TCF20: variants seen among roughly 807,000 people sequenced by gnomAD.
TCF20 encodes transcription factor 20.
A neutral mutation model predicts 148.6 loss-of-function variants in TCF20; 3 were observed. The observed-to-expected ratio is 0.02, with a 90% CI of 0.01 to 0.05. TCF20 has a LOEUF of 0.05. Among genes scored for constraint, TCF20 ranks in the 10% least tolerant of loss-of-function variants. The pLI is 1.00. For missense variants in TCF20, 2,350 were observed against 2,429.3 expected (o/e 0.97, Z 0.69); for synonymous variants, 1,049 against 909.5 (o/e 1.15, Z -2.76).
At chr22:42,323,874 G>A (rs1242471273) in intron 1 of TCF20, among the ~76,000 whole-genome samples, 5 of 134,322 alleles carry the variant, frequency 3.7e-5, no homozygotes, top group African/African-American at 1.3e-4. Context: ...TGGTGGTGGT[G>A]GTGGTGGTGA....
chr22:42,160,775 T>C lies in TCF20; in HGVS notation c.*628A>G, dbSNP rs1197458409. ...CCCCCTCCCCCAAAACCTTCCCACT[T>C]TGAGACAAATTAATGACAAAAGGAT... On this transcript the variant is annotated 3_prime_UTR_variant, in exon 6 of 6. Coordinates refer to ENST00000677622, the MANE Select transcript of TCF20 (RefSeq NM_001378418.1). 6.6e-6 allele frequency: 1 copy of C among 151,880 alleles called. No individual in the cohort carries two copies. Among genetic ancestry groups the C allele is most frequent in the Non-Finnish European group, 1.5e-5 (1 of 67,944 alleles). 9.4% of individuals were successfully genotyped at this position (151,880 alleles called of 1,614,324 possible).
chr22:42,295,864 C>A (rs933351017), intron 1 of TCF20, among the ~76,000 whole-genome samples: 1 of 152,166 alleles, frequency 6.6e-6, no homozygotes, highest in African/African-American at 2.4e-5. Flanking sequence ...AGCCTTCAGC[C>A]CCAACCCATA....
At position 42,209,500 on chromosome 22, in the gene TCF20, C is replaced by T. The variant is rs1457237190; in HGVS notation, c.5655+151G>A. 6 of 909,320 alleles carry T rather than the reference C, an allele frequency of 6.6e-6. No individual in the cohort carries two copies. The East Asian group carries it at 1.0e-4, about 15-fold the overall frequency. 56.3% of individuals were successfully genotyped at this position (909,320 alleles called of 1,614,324 possible). A position where few individuals can be genotyped will look rare whatever the true frequency, so the allele number is the denominator to read the frequency against. On this transcript the variant is annotated intron_variant, in intron 2 of 5. Coordinates refer to ENST00000677622, the MANE Select transcript of TCF20 (RefSeq NM_001378418.1). Reference sequence around the variant, plus strand: ...ATTTTAGAAGTCTATACAAATCTTCCAAATTACCTATTTCATTTTCTGTCC... The same window carrying T: ...ATTTTAGAAGTCTATACAAATCTTCTAAATTACCTATTTCATTTTCTGTCC...
At chr22:42,176,972 T>C (rs1018287707) in intron 3 of TCF20, among the ~76,000 whole-genome samples, 1 of 152,226 alleles carries the variant, frequency 6.6e-6, no homozygotes, top group Non-Finnish European at 1.5e-5. Flanking sequence ...TTATATTGTA[T>C]AGTTTCAAAT....
At chr22:42,174,990 G>C (rs1000569919) in intron 3 of TCF20, among the ~76,000 whole-genome samples, 26 of 151,100 alleles carry the variant, frequency 1.7e-4, no homozygotes, top group African/African-American at 4.6e-4. Flanking sequence ...AGCCGAGATC[G>C]CGCCACTGCA....
chr22:42,302,579 C>T (rs1434845050), intron 1 of TCF20, among the ~76,000 whole-genome samples: 5 of 152,186 alleles, frequency 3.3e-5, no homozygotes, highest in African/African-American at 1.2e-4. Context: ...AGACAGAGAC[C>T]GGCCTCTTTC....
At chr22:42,169,938 T>TGGACATA (rs1936019860) in intron 3 of TCF20, 42 bp from the exon 4 acceptor site, 8 of 1,603,190 alleles carry the variant, frequency 5.0e-6, no homozygotes, top group African/African-American at 1.3e-5. Flanking sequence ...ACTTCACAGC[T>TGGACATA]GGACATAGGT....
chr22:42,234,544 G>A (rs917848073), intron 1 of TCF20, among the ~76,000 whole-genome samples: 1 of 152,110 alleles, frequency 6.6e-6, no homozygotes, highest in Non-Finnish European at 1.5e-5. Context: ...CACTTCCACG[G>A]TTGCCTCAAA....
chr22:42,266,097 A>G (rs888606096), intron 1 of TCF20, among the ~76,000 whole-genome samples: 17 of 147,644 alleles, frequency 1.2e-4, no homozygotes, highest in Admixed American at 6.1e-4. Flanking sequence ...AAAAAAAAAA[A>G]GAGGGGCACA....
At chr22:42,309,140 T>G (rs1337770429) in intron 1 of TCF20, among the ~76,000 whole-genome samples, 1 of 152,008 alleles carries the variant, frequency 6.6e-6, no homozygotes, top group Non-Finnish European at 1.5e-5. Flanking sequence ...ATGCCCACTC[T>G]GCAAATGAGG....
At chr22:42,302,152 A>AGG (rs1408266426) in intron 1 of TCF20, among the ~76,000 whole-genome samples, 1 of 152,204 alleles carries the variant, frequency 6.6e-6, no homozygotes, top group Non-Finnish European at 1.5e-5. Flanking sequence ...CTCACTGGGC[A>AGG]GGTGCCTTGA....
At chr22:42,174,766 T>A (rs1363529467) in intron 3 of TCF20, among the ~76,000 whole-genome samples, 1 of 151,620 alleles carries the variant, frequency 6.6e-6, no homozygotes, top group Admixed American at 6.6e-5. Flanking sequence ...CCAGGCGCGG[T>A]GGCTCACGCC....
At chr22:42,240,171 A>G (rs945521384) in intron 1 of TCF20, among the ~76,000 whole-genome samples, 2 of 152,236 alleles carry the variant, frequency 1.3e-5, no homozygotes, top group Non-Finnish European at 2.9e-5. Context: ...CATTTTCTAG[A>G]CAACGAAACA....
intron 1 of TCF20, among the ~76,000 whole-genome samples, chr22:42,342,251 C>T (rs1472984198): frequency 6.6e-6 from 1 of 152,034 alleles, no homozygotes; most frequent in Non-Finnish European, 1.5e-5. Flanking sequence ...GGAGGAGGGG[C>T]CGGTACGTCC....
At chr22:42,272,928 G>A (rs1412427884), upstream of TCF20, among the ~76,000 whole-genome samples, 1 of 152,154 alleles carries the variant, frequency 6.6e-6, no homozygotes, top group Non-Finnish European at 1.5e-5. Flanking sequence ...TTGGGAAGCC[G>A]AGGTGTGAGG....
chr22:42,300,782 T>C (rs985462099), intron 1 of TCF20, among the ~76,000 whole-genome samples: 14 of 152,110 alleles, frequency 9.2e-5, no homozygotes, highest in African/African-American at 3.4e-4. Context: ...CCTCTCTGCC[T>C]TTGCCTCTGC....
chr22:42,224,879 G>A (rs953950156), intron 1 of TCF20, among the ~76,000 whole-genome samples: 2 of 152,108 alleles, frequency 1.3e-5, no homozygotes, highest in African/African-American at 4.8e-5. Context: ...TTAGTCCCAG[G>A]CCAAAGGGAA....
At chr22:42,267,379 T>G (rs1926344644) in intron 1 of TCF20, among the ~76,000 whole-genome samples, 1 of 151,948 alleles carries the variant, frequency 6.6e-6, no homozygotes, top group African/African-American at 2.4e-5. Flanking sequence ...TTCTAGAAAA[T>G]CACAAATAAT....
upstream of TCF20, among the ~76,000 whole-genome samples, chr22:42,271,324 G>T (rs1926612217): frequency 6.6e-6 from 1 of 152,256 alleles, no homozygotes; most frequent in Non-Finnish European, 1.5e-5. Context: ...CGCTCCAGCT[G>T]CCTTCTGCTG....
Sources: gnomAD v4.1 joint callset for allele counts (sites outside exome capture counted in the v4.1 genomes callset) on GRCh38, gnomAD v4.1.1 for gene constraint, MANE v1.5 for transcripts, NCBI Gene and HGNC (gene_info 2026-07-23, HGNC 2026-07-21) for gene names.